Variants in MTREX observed in about 807,000 individuals in gnomAD.
MTREX encodes Mtr4 exosome RNA helicase.
In MTREX, 76 loss-of-function variants were observed where a neutral mutation model predicts 135.4. The observed-to-expected ratio is 0.56, with a 90% CI of 0.47 to 0.68. The LOEUF is 0.68. Among genes scored for constraint, MTREX ranks in the 30% least tolerant of loss-of-function variants. The pLI, the probability that MTREX is intolerant of heterozygous loss-of-function variation, is 0.00. For missense variants in MTREX, 920 were observed against 1,262.1 expected (o/e 0.73, Z 4.11); for synonymous variants, 404 against 401.6 (o/e 1.01, Z -0.07).
intron 15 of MTREX, among the ~76,000 whole-genome samples, chr5:55,362,838 AT>A (rs1258302113): frequency 6.6e-6 from 1 of 152,174 alleles, no homozygotes; most frequent in Non-Finnish European, 1.5e-5. Context: ...TAGGTATTAT[AT>A]TTTTCCAGTA....
At chr5:55,359,602 G>A (rs1043570390) in intron 15 of MTREX, among the ~76,000 whole-genome samples, 40 of 152,210 alleles carry the variant, frequency 2.6e-4, no homozygotes, top group African/African-American at 9.4e-4. Context: ...CATAATAATC[G>A]TATTGTGTCT....
intron 1 of MTREX, among the ~76,000 whole-genome samples, chr5:55,314,795 G>T (rs1428430080): frequency 6.6e-6 from 1 of 152,230 alleles, no homozygotes; most frequent in African/African-American, 2.4e-5. Flanking sequence ...TAGGGGGATG[G>T]TTTTGGGATG....
At chr5:55,354,251 C>T (rs1749874541) in intron 14 of MTREX, among the ~76,000 whole-genome samples, 1 of 152,068 alleles carries the variant, frequency 6.6e-6, no homozygotes, top group African/African-American at 2.4e-5. Context: ...AGGGATATAG[C>T]ATAAGAAAGG....
At chr5:55,338,257 G>A (rs1350977730) in intron 5 of MTREX, among the ~76,000 whole-genome samples, 1 of 151,944 alleles carries the variant, frequency 6.6e-6, no homozygotes, top group Non-Finnish European at 1.5e-5. Context: ...TTTGAAGGAC[G>A]GTGTCACTGG....
At chr5:55,308,504 A>C (rs1749020556) in intron 1 of MTREX, among the ~76,000 whole-genome samples, 1 of 152,126 alleles carries the variant, frequency 6.6e-6, no homozygotes, top group Non-Finnish European at 1.5e-5. Context: ...GGTTTAGAAA[A>C]AATGATATGA....
chr5:55,349,335 C>T lies in MTREX; in HGVS notation c.1241-238C>T, dbSNP rs1449457922. Among the ~76,000 whole-genome samples the T allele has an allele frequency of 1.1e-4, 16 of 151,808 alleles. 1 individual carries two copies. Among genetic ancestry groups the T allele is most frequent in the African/African-American group, 3.6e-4 (15 of 41,312 alleles). Reference sequence around the variant, plus strand: ...CCAGGTAGCTGGGACTACAGGTGCACGCCGCAATGCCTGGCTAATTTTTTT... The same window carrying T: ...CCAGGTAGCTGGGACTACAGGTGCATGCCGCAATGCCTGGCTAATTTTTTT... On this transcript the variant is annotated intron_variant, in intron 11 of 26. Transcript: ENST00000230640.
At chr5:55,393,460 T>C (rs1433195176) in intron 19 of MTREX, among the ~76,000 whole-genome samples, 1 of 152,212 alleles carries the variant, frequency 6.6e-6, no homozygotes, top group Non-Finnish European at 1.5e-5. Flanking sequence ...AAAAAACAAC[T>C]TGCTTGTTGA....
chr5:55,349,016 C>A lies in MTREX; in HGVS notation c.1241-557C>A, dbSNP rs1333452450. ...GACTTAAATGTTGTATGTAAAGCAC[C>A]AGATGTGGTTATTGTTACTATTTTT... On this transcript the variant is annotated intron_variant, in intron 11 of 26. Transcript: ENST00000230640. Among the ~76,000 whole-genome samples, 3 of 151,898 alleles carry A rather than the reference C, an allele frequency of 2.0e-5. No individual in the cohort carries two copies. In the East Asian group the frequency reaches 5.8e-4, roughly 29 times the overall value.
rs1003788597 is a variant in MTREX at position 55,415,461 on chromosome 5, T to G, written c.2809-509T>G. On this transcript the variant is annotated intron_variant, in intron 24 of 26. Transcript: ENST00000230640. ...CTTAAAATCACTAAGAAATTTAAATTTCTAGAACCAGCAAAGTCTTCATAG... is the reference window on the plus strand; with the variant it reads ...CTTAAAATCACTAAGAAATTTAAATGTCTAGAACCAGCAAAGTCTTCATAG... Among the ~76,000 whole-genome samples the G allele has an allele frequency of 3.3e-5, 5 of 152,294 alleles. No homozygotes were observed. The South Asian group carries it at 1.0e-3, about 32-fold the overall frequency.
chr5:55,411,822 TAAG>T (rs1354599553), intron 23 of MTREX, among the ~76,000 whole-genome samples: 2 of 152,220 alleles, frequency 1.3e-5, no homozygotes, highest in Non-Finnish European at 2.9e-5. Flanking sequence ...TAAAGATAAT[TAAG>T]AACATTTGTC....
chr5:55,357,170 G>T (rs1184950541), intron 14 of MTREX: 1 of 153,910 alleles, frequency 6.5e-6, no homozygotes, highest in Non-Finnish European at 1.5e-5. Flanking sequence ...TACCCCTCCT[G>T]GTACTTGATC....
chr5:55,366,661 G>C, intron 15 of MTREX, 64 bp from the exon 16 acceptor site: 1 of 1,290,506 alleles, frequency 7.7e-7, no homozygotes. Context: ...ATTATAGTAG[G>C]TTAAAGGTAC....
chr5:55,360,518 G>A (rs1749990677), intron 15 of MTREX, among the ~76,000 whole-genome samples: 1 of 151,982 alleles, frequency 6.6e-6, no homozygotes, highest in Admixed American at 6.6e-5. Context: ...AACCTTTTGA[G>A]GAACTGCCAG....
At chr5:55,347,421 C>T (rs1037126337) in intron 11 of MTREX, among the ~76,000 whole-genome samples, 5 of 152,030 alleles carry the variant, frequency 3.3e-5, no homozygotes, top group African/African-American at 1.2e-4. Context: ...ACTTTGTTAC[C>T]GTAAACTCCT....
intron 19 of MTREX, among the ~76,000 whole-genome samples, chr5:55,391,565 C>T (rs1440573847): frequency 6.6e-6 from 1 of 152,166 alleles, no homozygotes; most frequent in Admixed American, 6.5e-5. Context: ...AAAACTCAGA[C>T]ATACACCAAA....
intron 6 of MTREX, 100 bp downstream of exon 6, chr5:55,340,284 T>C: frequency 1.2e-6 from 1 of 818,300 alleles, no homozygotes; most frequent in Non-Finnish European, 1.8e-6. Flanking sequence ...TCTACTTAGG[T>C]AAAGTATAGT....
chr5:55,378,758 C>T (rs1750347279), intron 17 of MTREX, among the ~76,000 whole-genome samples: 1 of 152,034 alleles, frequency 6.6e-6, no homozygotes. Context: ...TTATGAAATG[C>T]TAACTATAAC....
rs142181829 is a variant in MTREX, at chr5:55,332,535, A to G, written c.515+3724A>G. 4.7e-4 allele frequency among the ~76,000 whole-genome samples: 71 copies of G among 152,312 alleles called. No homozygotes were observed. The East Asian group carries it at 0.012, about 26-fold the overall frequency. ...ACCACAGACTGGGTAATTTATAAAG[A>G]AAGGAAGTTTATTTGGCTCATGGTT... is the stretch of plus-strand genomic sequence containing the variant. On this transcript the variant is annotated intron_variant, in intron 5 of 26. Transcript: ENST00000230640.
At chr5:55,323,057 A>G (rs1238281456) in intron 2 of MTREX, among the ~76,000 whole-genome samples, 1 of 152,096 alleles carries the variant, frequency 6.6e-6, no homozygotes, top group Non-Finnish European at 1.5e-5. Context: ...TGAACTTGGC[A>G]CTACCATGAA....
Sources: allele counts gnomAD v4.1 joint callset (sites outside exome capture counted in the v4.1 genomes callset), GRCh38; gene constraint gnomAD v4.1.1; transcripts MANE v1.5; gene names NCBI Gene and HGNC (gene_info 2026-07-23, HGNC 2026-07-21).